Variants in SPTBN1 observed in about 807,000 individuals in gnomAD.
SPTBN1 encodes the protein spectrin beta, non-erythrocytic 1, also known as spectrin beta chain, non-erythrocytic 1.
In SPTBN1, 32 loss-of-function variants were observed where a neutral mutation model predicts 266.4. The observed-to-expected ratio is 0.12, with a 90% CI of 0.09 to 0.16. The LOEUF is 0.16. Among genes scored for constraint, SPTBN1 ranks in the 10% least tolerant of loss-of-function variants. The pLI is 1.00. For synonymous variants in SPTBN1, 1,336 were observed against 1,162.2 expected, an observed-to-expected ratio of 1.15 and a Z score of -3.04; for missense variants, 2,296 against 3,067.1, an observed-to-expected ratio of 0.75 and a Z score of 5.94.
chr2:54,471,333 A>G (rs536944804), intron 1 of SPTBN1, among the ~76,000 whole-genome samples: 12 of 152,138 alleles, frequency 7.9e-5, no homozygotes, highest in Non-Finnish European at 1.2e-4. Flanking sequence ...CTCCTTCCTT[A>G]CTTGGTGAGT....
At chr2:54,480,809 A>G (rs1353754874) in intron 1 of SPTBN1, among the ~76,000 whole-genome samples, 1 of 152,200 alleles carries the variant, frequency 6.6e-6, no homozygotes, top group African/African-American at 2.4e-5. Context: ...TTGGCTGTGA[A>G]TGTGGATGAA....
At chr2:54,500,281 G>A (rs150365215) in intron 1 of SPTBN1, among the ~76,000 whole-genome samples, 85 of 152,314 alleles carry the variant, frequency 5.6e-4, no homozygotes, top group African/African-American at 2.0e-3. Flanking sequence ...CAAAATTTTA[G>A]AGATGAATGG....
chr2:54,565,457 G>A lies in SPTBN1; in HGVS notation c.149-33635G>A, dbSNP rs190186190. On this transcript the variant is annotated intron_variant, in intron 2 of 35. Transcript: ENST00000356805. ...CTCTTCTGCCTCAGATGACCCTCAG[G>A]TGGGGTCAGTTACCTGCCTCAGTTC... Among the ~76,000 whole-genome samples the A allele has an allele frequency of 2.9e-3, 447 of 152,264 alleles. 1 individual carries two copies. The highest frequency in any genetic ancestry group is 4.4e-3 in the Admixed American group (68 of 15,288).
At chr2:54,499,773 C>G (rs182181922) in intron 1 of SPTBN1, among the ~76,000 whole-genome samples, 183 of 152,280 alleles carry the variant, frequency 1.2e-3, no homozygotes, top group African/African-American at 3.8e-3. Context: ...CCTGTTATTA[C>G]TTTGCTTTCC....
intron 1 of SPTBN1, among the ~76,000 whole-genome samples, chr2:54,502,478 C>A (rs1669327039): frequency 6.6e-6 from 1 of 152,194 alleles, no homozygotes; most frequent in Admixed American, 6.5e-5. Context: ...AGGAAGATAC[C>A]TTCTGCCATT....
intron 17 of SPTBN1, among the ~76,000 whole-genome samples, chr2:54,635,094 C>G (rs1005257022): frequency 6.6e-6 from 1 of 152,160 alleles, no homozygotes; most frequent in Non-Finnish European, 1.5e-5. Context: ...CCAGAACACC[C>G]GCATCTGCTT....
intron 2 of SPTBN1, among the ~76,000 whole-genome samples, chr2:54,560,497 GGTGGA>G (rs1673225988): frequency 6.6e-6 from 1 of 152,076 alleles, no homozygotes; most frequent in South Asian, 2.1e-4. Flanking sequence ...CGCCGAGAAG[GGTGGA>G]GCCTACACAC....
At chr2:54,606,440 C>G (rs1676843897) in intron 3 of SPTBN1, among the ~76,000 whole-genome samples, 2 of 152,182 alleles carry the variant, frequency 1.3e-5, no homozygotes, top group African/African-American at 4.8e-5. Flanking sequence ...GGACCACTCA[C>G]TATCTCACTG....
intron 1 of SPTBN1, among the ~76,000 whole-genome samples, chr2:54,470,694 C>G (rs1417336670): frequency 6.6e-6 from 1 of 152,092 alleles, no homozygotes; most frequent in Non-Finnish European, 1.5e-5. Context: ...TTCTGTTCAC[C>G]AGAACAGGGT....
intron 4 of SPTBN1, 130 bp from the exon 5 acceptor site, chr2:54,616,077 A>G (rs3796012): frequency 0.32 from 204,537 of 631,934 alleles, 36,399 homozygotes; most frequent in Admixed American, 0.38. Context: ...TTTCATTGAC[A>G]GGGTAGATCG....
intron 1 of SPTBN1, among the ~76,000 whole-genome samples, chr2:54,479,239 A>T (rs1322973510): frequency 6.6e-6 from 1 of 152,234 alleles, no homozygotes; most frequent in Non-Finnish European, 1.5e-5. Flanking sequence ...AGGCAAATAA[A>T]GTATAGTTAT....
At chr2:54,597,621 G>A (rs1481645961) in intron 2 of SPTBN1, among the ~76,000 whole-genome samples, 1 of 152,198 alleles carries the variant, frequency 6.6e-6, no homozygotes, top group Non-Finnish European at 1.5e-5. Context: ...CAGGTCGGCA[G>A]CTGTAAAACC....
intron 1 of SPTBN1, among the ~76,000 whole-genome samples, chr2:54,472,619 T>C (rs1573218935): frequency 6.6e-6 from 1 of 150,970 alleles, no homozygotes; most frequent in South Asian, 2.1e-4. Flanking sequence ...ACAGGGGGGG[T>C]TGGGAGTGGT....
intron 2 of SPTBN1, among the ~76,000 whole-genome samples, chr2:54,568,013 C>G (rs1435736851): frequency 1.3e-5 from 2 of 152,154 alleles, no homozygotes; most frequent in Non-Finnish European, 1.5e-5. Flanking sequence ...TCAGGCCGAC[C>G]TCCCCACAGA....
rs779363933 is a variant in SPTBN1, at chr2:54,646,147, C to T, written c.4585-47C>T. On this transcript the variant is annotated intron_variant, in intron 22 of 35. Coordinates refer to ENST00000356805, the MANE Select transcript of SPTBN1 (RefSeq NM_003128.3). The surrounding 1 kb of genome is among the most constrained non-coding windows in gnomAD (Gnocchi z 4.4). ...CTAACAGCTTGACATAAGCAGCAGA[C>T]GGCTGCCATTTAGCAAGCCTTTGTG... 5.0e-6 allele frequency: 8 copies of T among 1,591,710 alleles called. No individual in the cohort carries two copies. The highest frequency in any genetic ancestry group is 2.7e-5 in the African/African-American group (2 of 74,020).
intron 2 of SPTBN1, chr2:54,528,246 C>G (rs1426627791): frequency 6.6e-6 from 1 of 152,590 alleles, no homozygotes; most frequent in Non-Finnish European, 1.5e-5. Flanking sequence ...GGCCAGTTAC[C>G]TTTGATCTTG....
intron 11 of SPTBN1, 137 bp downstream of exon 11, chr2:54,625,099 C>A (rs1442774326): frequency 2.0e-6 from 2 of 987,426 alleles, no homozygotes; most frequent in Non-Finnish European, 2.9e-6. Flanking sequence ...CACCTTGGCC[C>A]CTTCCCATTA....
rs1207620669 is a variant in SPTBN1 at position 54,645,261 on chromosome 2, G to A, written c.4302G>A (p.Lys1434=). 4 of 1,614,080 alleles carry A rather than the reference G, an allele frequency of 2.5e-6. No homozygotes were observed. Among genetic ancestry groups the A allele is most frequent in the Admixed American group, 3.3e-5 (2 of 60,010 alleles). The change falls in exon 21 of 36, where the codon AAG becomes AAA. Residue 1434 remains lysine (K), a synonymous_variant. Transcript: ENST00000356805. This position sits in a 1 kb window ranked among gnomAD's most constrained non-coding sequence, Gnocchi z 4.3. The part of the protein sequence containing the change: ...MLENQMEVRK[K]EIEELQSQAQ... The stretch of plus-strand genomic sequence containing the variant: ...AGAATCAGATGGAAGTGCGGAAGAA[G>A]GAGATCGAAGAGCTCCAAAGCCAAG...
chr2:54,505,306 T>C (rs976396997), intron 1 of SPTBN1, among the ~76,000 whole-genome samples: 3 of 152,210 alleles, frequency 2.0e-5, no homozygotes, highest in Non-Finnish European at 4.4e-5. Flanking sequence ...GTTCTTTCTG[T>C]AGCTATCCTG....
Sources: allele counts gnomAD v4.1 joint callset (sites outside exome capture counted in the v4.1 genomes callset), GRCh38; gene constraint gnomAD v4.1.1; non-coding constraint Gnocchi (gnomAD v3.1); transcripts MANE v1.5; gene names NCBI Gene and HGNC (gene_info 2026-07-23, HGNC 2026-07-21).